The following NPTN variants were observed in gnomAD, a reference collection of about 807,000 sequenced individuals.
The protein encoded by NPTN is SDR-1.
Under a neutral mutation model 42.7 loss-of-function variants are expected in NPTN, and 5 were observed. The observed-to-expected ratio is 0.12, with a 90% confidence interval of 0.06 to 0.25. The LOEUF (loss-of-function observed/expected upper bound fraction) is 0.25, where lower values mean the gene tolerates loss of function less well. Among genes scored for constraint, NPTN ranks in the 10% least tolerant of loss-of-function variants. The pLI is 1.00. For missense variants in NPTN, 307 were observed against 525.4 expected, an observed-to-expected ratio of 0.58 and a Z score of 4.06; for synonymous variants, 180 against 201.9, an observed-to-expected ratio of 0.89 and a Z score of 0.92.
Position 73,570,091 on chromosome 15 carries a change from G to C in NPTN, c.1114+59C>G, listed in dbSNP as rs929816530. On this transcript the variant is annotated intron_variant, in intron 6 of 8. Transcript: ENST00000345330. This position sits in a 1 kb window ranked among gnomAD's most constrained non-coding sequence, Gnocchi z 4.0. ...TCCCTATAGTCCTCTTTGGGTACTT[G>C]GAAACCACCCGAAGGAACCAACCCC... The C allele has an allele frequency of 1.3e-6, 2 of 1,512,124 alleles. No individual in the cohort carries two copies. Among genetic ancestry groups the C allele is most frequent in the African/African-American group, 2.8e-5 (2 of 72,002 alleles). The allele number at this position is 1,512,124 out of a possible 1,614,324, so 93.7% of individuals were successfully genotyped here.
intron 1 of NPTN, among the ~76,000 whole-genome samples, chr15:73,625,706 C>T (rs950088066): frequency 6.6e-6 from 1 of 152,112 alleles, no homozygotes; most frequent in African/African-American, 2.4e-5. Context: ...TATAAACTAA[C>T]CCCTACTGAC....
At chr15:73,617,203 T>G (rs1187179279) in intron 1 of NPTN, among the ~76,000 whole-genome samples, 1 of 152,164 alleles carries the variant, frequency 6.6e-6, no homozygotes, top group African/African-American at 2.4e-5. Flanking sequence ...TAAACCAAGC[T>G]TTGAAAGGAT....
chr15:73,562,600 C>A (rs938978891), intron 7 of NPTN, among the ~76,000 whole-genome samples: 1 of 152,194 alleles, frequency 6.6e-6, no homozygotes, highest in African/African-American at 2.4e-5. Flanking sequence ...TTTAGTCCAA[C>A]TCTAGGAGAT....
At chr15:73,564,436 C>T (rs1894862883) in intron 6 of NPTN, among the ~76,000 whole-genome samples, 1 of 152,110 alleles carries the variant, frequency 6.6e-6, no homozygotes, top group Middle Eastern at 3.2e-3. Flanking sequence ...AACGGAGAGG[C>T]AAAGCCACCG....
chr15:73,585,377 TGA>T (rs1377079094), intron 4 of NPTN, among the ~76,000 whole-genome samples: 1 of 152,148 alleles, frequency 6.6e-6, no homozygotes, highest in African/African-American at 2.4e-5. Context: ...GGGAATAAAA[TGA>T]GAGTTTCTAT....
At chr15:73,573,618 G>T (rs753004170) in intron 5 of NPTN, 44 bp downstream of exon 5, 1 of 1,523,430 alleles carries the variant, frequency 6.6e-7, no homozygotes, top group Non-Finnish European at 8.8e-7. Flanking sequence ...ACCTCTGCAG[G>T]GAAAACTCCA....
chr15:73,587,020 A>C (rs1896350790), intron 4 of NPTN, among the ~76,000 whole-genome samples: 1 of 152,154 alleles, frequency 6.6e-6, no homozygotes, highest in African/African-American at 2.4e-5. Flanking sequence ...GTTTCTATTA[A>C]AATTCTAATG....
chr15:73,561,376 A>G (rs543632088), intron 8 of NPTN, among the ~76,000 whole-genome samples: 2 of 152,156 alleles, frequency 1.3e-5, no homozygotes, highest in South Asian at 4.1e-4. Context: ...TTATATAAAC[A>G]TGTGACACAA....
intron 1 of NPTN, among the ~76,000 whole-genome samples, chr15:73,609,744 TTTTATATGACACATAAAAATTATA>T (rs1897477374): frequency 6.6e-6 from 1 of 152,172 alleles, no homozygotes; most frequent in Admixed American, 6.5e-5. Context: ...CCCCTTACTT[TTTTATATGACACATAAAAATTATA>T]TTTATATGAC....
At chr15:73,592,851 A>G (rs2141401358) in intron 2 of NPTN, among the ~76,000 whole-genome samples, 1 of 152,322 alleles carries the variant, frequency 6.6e-6, no homozygotes, top group Non-Finnish European at 1.5e-5. Context: ...CTAGAGTGCA[A>G]TATTGTGTTG....
At chr15:73,631,311 A>T (rs1454723909) in intron 1 of NPTN, among the ~76,000 whole-genome samples, 2 of 152,222 alleles carry the variant, frequency 1.3e-5, no homozygotes, top group South Asian at 2.1e-4. Context: ...TGATAAGACA[A>T]ATAAGACTAA....
chr15:73,632,092 G>A (rs1393636868), intron 1 of NPTN, among the ~76,000 whole-genome samples: 4 of 151,988 alleles, frequency 2.6e-5, no homozygotes, highest in African/African-American at 9.7e-5. Context: ...TCCCACCACT[G>A]CAATTAGTTG....
At position 73,615,343 on chromosome 15, in the gene NPTN, TTG is replaced by T. The variant is rs551723077; in HGVS notation, c.91+17780_91+17781del. On this transcript the variant is annotated intron_variant, in intron 1 of 8. Coordinates refer to ENST00000345330, the MANE Select transcript of NPTN (RefSeq NM_012428.4). ...ACAGCAGCTAGCCTTTATTGATCAT[TTG>T]TGTTAGACATAACGCAAAGTATATC... Among the ~76,000 whole-genome samples the T allele has an allele frequency of 4.6e-3, 698 of 152,254 alleles. 6 individuals carry two copies. The highest frequency in any genetic ancestry group is 0.015 in the African/African-American group (641 of 41,548).
At chr15:73,574,130 A>G (rs1895557461) in intron 4 of NPTN, among the ~76,000 whole-genome samples, 1 of 152,144 alleles carries the variant, frequency 6.6e-6, no homozygotes, top group Admixed American at 6.5e-5. Flanking sequence ...AACAAACACT[A>G]TTATCTCTTC....
chr15:73,563,022 C>T (rs1385527081), intron 7 of NPTN, among the ~76,000 whole-genome samples: 1 of 151,984 alleles, frequency 6.6e-6, no homozygotes, highest in African/African-American at 2.4e-5. Flanking sequence ...TGGTATTCCA[C>T]TTTGTATGGC....
intron 6 of NPTN, chr15:73,567,232 A>G: frequency 4.1e-6 from 4 of 985,382 alleles, no homozygotes; most frequent in Non-Finnish European, 4.8e-6. Flanking sequence ...GTGCATTCAT[A>G]TAAAAAAAGT....
intron 4 of NPTN, among the ~76,000 whole-genome samples, chr15:73,579,749 G>A (rs979640137): frequency 4.6e-5 from 7 of 152,110 alleles, no homozygotes; most frequent in African/African-American, 1.7e-4. Flanking sequence ...CCAACCAATG[G>A]AGAGGGGCAC....
At chr15:73,604,175 A>T (rs1897190988) in intron 1 of NPTN, among the ~76,000 whole-genome samples, 1 of 152,192 alleles carries the variant, frequency 6.6e-6, no homozygotes, top group East Asian at 1.9e-4. Flanking sequence ...TAAAAGTATG[A>T]TTTAAAAAAA....
rs1357231269 is a variant in NPTN at position 73,560,337 on chromosome 15, G to A, written c.*726C>T. On this transcript the variant is annotated 3_prime_UTR_variant, in exon 9 of 9. Transcript: ENST00000345330. ...AAGGTTCAACACATCAGTGCAAAAG[G>A]ATTTATGAATTTACATGACTTAACA... The A allele has an allele frequency of 6.4e-6, 1 of 155,980 alleles. No individual in the cohort carries two copies. The highest frequency in any genetic ancestry group is 2.4e-5 in the African/African-American group (1 of 41,430). 9.7% of individuals were successfully genotyped at this position (155,980 alleles called of 1,614,324 possible). A position where few individuals can be genotyped will look rare whatever the true frequency, so the allele number is the denominator to read the frequency against.
Sources: allele counts gnomAD v4.1 joint callset (sites outside exome capture counted in the v4.1 genomes callset), GRCh38; gene constraint gnomAD v4.1.1; non-coding constraint Gnocchi (gnomAD v3.1); transcripts MANE v1.5; gene names NCBI Gene and HGNC (gene_info 2026-07-23, HGNC 2026-07-21).